CWC27: variants seen among roughly 807,000 people sequenced by gnomAD.
CWC27 encodes the protein spliceosome-associated protein CWC27 homolog.
In CWC27, 47 loss-of-function variants were observed where a neutral mutation model predicts 63.6. The ratio of observed to expected loss-of-function variants is 0.74; its 90% CI spans 0.58 to 0.94. The LOEUF is 0.94. Among genes scored for constraint, CWC27 ranks in the 40% least tolerant of loss-of-function variants. The probability of loss-of-function intolerance (pLI) is 0.00; values close to 1 mark genes in which losing one functional copy is unlikely to be tolerated. For missense variants in CWC27, 495 were observed against 554.3 expected, an observed-to-expected ratio of 0.89 and a Z score of 1.07; for synonymous variants, 175 against 179.8, an observed-to-expected ratio of 0.97 and a Z score of 0.22.
intron 10 of CWC27, among the ~76,000 whole-genome samples, chr5:64,876,542 C>T (rs1746797928): frequency 6.6e-6 from 1 of 152,088 alleles, no homozygotes. Context: ...GGCCTCTAAG[C>T]AAGTTCATTT....
At chr5:64,846,492 G>A (rs1269119831) in intron 10 of CWC27, among the ~76,000 whole-genome samples, 1 of 152,158 alleles carries the variant, frequency 6.6e-6, no homozygotes, top group Non-Finnish European at 1.5e-5. Context: ...TTGTTTATAA[G>A]CTGTTATCAG....
At chr5:64,926,342 A>T (rs1748107791) in intron 11 of CWC27, among the ~76,000 whole-genome samples, 1 of 151,156 alleles carries the variant, frequency 6.6e-6, no homozygotes, top group African/African-American at 2.4e-5. Context: ...TAGATATTTA[A>T]TACTGATCTA....
chr5:65,005,884 G>C (rs1419373365), intron 13 of CWC27, among the ~76,000 whole-genome samples: 1 of 151,990 alleles, frequency 6.6e-6, no homozygotes, highest in Middle Eastern at 3.2e-3. Flanking sequence ...ACATACTCTA[G>C]AAATCCTAGG....
At chr5:64,781,479 G>A (rs2112159836) in intron 2 of CWC27, among the ~76,000 whole-genome samples, 1 of 152,236 alleles carries the variant, frequency 6.6e-6, no homozygotes, top group South Asian at 2.1e-4. Flanking sequence ...TGACATTTTG[G>A]GCTGGTAATT....
intron 10 of CWC27, among the ~76,000 whole-genome samples, chr5:64,878,806 T>TG (rs1216908550): frequency 2.0e-5 from 3 of 151,802 alleles, no homozygotes. Context: ...TTGACTGAAA[T>TG]TTAGAGTAAC....
At chr5:64,907,190 C>A (rs918028811) in intron 11 of CWC27, among the ~76,000 whole-genome samples, 1 of 152,068 alleles carries the variant, frequency 6.6e-6, no homozygotes. Flanking sequence ...GTAGTTTTTT[C>A]CAATTCTTTG....
In CWC27 at chr5:64,788,919, CT is replaced by C. The variant is rs11340181; in HGVS notation, c.600-21del. 629,335 of 1,226,060 alleles carry C rather than the reference CT, an allele frequency of 0.51. 135,762 individuals carry two copies. Among genetic ancestry groups the C allele is most frequent in the East Asian group, 0.79 (29,090 of 36,714 alleles). The allele number at this position is 1,226,060 out of a possible 1,614,324, so 75.9% of individuals were successfully genotyped here. On this transcript the variant is annotated intron_variant, in intron 6 of 13. Transcript: ENST00000381070. Reference sequence around the variant, plus strand: ...ATAAGTTTGATTTGACTTTCTCTTTCTTTTTTTTTTTCTTTCTTTTTTTTGG... The same window carrying C: ...ATAAGTTTGATTTGACTTTCTCTTTCTTTTTTTTTTCTTTCTTTTTTTTGG...
intron 10 of CWC27, among the ~76,000 whole-genome samples, chr5:64,836,040 T>G (rs1169972718): frequency 6.6e-6 from 1 of 151,920 alleles, no homozygotes; most frequent in African/African-American, 2.4e-5. Flanking sequence ...AAGTAGTTTA[T>G]AAATTATATC....
chr5:64,888,582 C>T (rs949480546), intron 11 of CWC27, among the ~76,000 whole-genome samples: 7 of 148,054 alleles, frequency 4.7e-5, no homozygotes, highest in Non-Finnish European at 8.9e-5. Context: ...TATTGGCATA[C>T]TTATAAATAA....
intron 13 of CWC27, among the ~76,000 whole-genome samples, chr5:64,998,711 T>C (rs147978342): frequency 1.3e-5 from 2 of 152,172 alleles, no homozygotes; most frequent in East Asian, 3.9e-4. Flanking sequence ...AAGCCACTGG[T>C]TTTCATCTTC....
chr5:64,798,395 C>A (rs1460664182), intron 7 of CWC27, among the ~76,000 whole-genome samples: 1 of 152,080 alleles, frequency 6.6e-6, no homozygotes, highest in Non-Finnish European at 1.5e-5. Flanking sequence ...TCTACTATAC[C>A]ACCTTCTGTT....
chr5:64,834,711 A>T (rs935145044), intron 10 of CWC27, among the ~76,000 whole-genome samples: 2 of 151,762 alleles, frequency 1.3e-5, no homozygotes, highest in Non-Finnish European at 3.0e-5. Flanking sequence ...CCAAGGACAC[A>T]TGTGTATTCT....
intron 8 of CWC27, among the ~76,000 whole-genome samples, chr5:64,800,970 G>GT (rs1035712621): frequency 2.0e-5 from 3 of 151,940 alleles, no homozygotes; most frequent in Non-Finnish European, 4.4e-5. Flanking sequence ...GGATTTGGGG[G>GT]TTTTTTTAGT....
chr5:64,934,888 G>A (rs182492176), intron 11 of CWC27, among the ~76,000 whole-genome samples: 1 of 152,220 alleles, frequency 6.6e-6, no homozygotes, highest in African/African-American at 2.4e-5. Context: ...TTTGTTGTCT[G>A]CATAAATGTC....
chr5:64,929,712 A>T (rs781390295), intron 11 of CWC27, among the ~76,000 whole-genome samples: 9 of 152,138 alleles, frequency 5.9e-5, no homozygotes, highest in Non-Finnish European at 1.2e-4. Context: ...TAACGGAGGA[A>T]CCAACAAGTA....
intron 10 of CWC27, among the ~76,000 whole-genome samples, chr5:64,856,204 A>G (rs1282262908): frequency 6.6e-6 from 1 of 152,102 alleles, no homozygotes; most frequent in East Asian, 1.9e-4. Flanking sequence ...CCTAATATCA[A>G]TATCAATACT....
At chr5:64,867,837 ATCT>A (rs1043297833) in intron 10 of CWC27, among the ~76,000 whole-genome samples, 5 of 151,964 alleles carry the variant, frequency 3.3e-5, no homozygotes, top group African/African-American at 4.8e-5. Context: ...TAACACTAAC[ATCT>A]TCTTTCCCAG....
chr5:64,801,285 G>C lies in CWC27; in HGVS notation c.750-17G>C. 1.4e-6 allele frequency: 2 copies of C among 1,417,254 alleles called. No individual in the cohort carries two copies. The highest frequency in any genetic ancestry group is 9.5e-7 in the Non-Finnish European group (1 of 1,050,054). The allele number at this position is 1,417,254 out of a possible 1,614,324, so 87.8% of individuals were successfully genotyped here. On this transcript the variant is annotated splice_polypyrimidine_tract_variant and intron_variant, in intron 8 of 13. Coordinates refer to ENST00000381070, the MANE Select transcript of CWC27 (RefSeq NM_005869.4). The stretch of plus-strand genomic sequence containing the variant: ...TTACCTTGAAACTAAAATTTGTTTT[G>C]CTTATTTTTTTTATAGTGAAAAAGG...
chr5:64,814,077 C>A (rs10065521), intron 10 of CWC27, among the ~76,000 whole-genome samples: 1 of 142,968 alleles, frequency 7.0e-6, no homozygotes, highest in Non-Finnish European at 1.5e-5. Context: ...ATTTTTTTTG[C>A]GATTTTTTTT....
Sources: allele counts gnomAD v4.1 joint callset (sites outside exome capture counted in the v4.1 genomes callset), GRCh38; gene constraint gnomAD v4.1.1; transcripts MANE v1.5; gene names NCBI Gene and HGNC (gene_info 2026-07-23, HGNC 2026-07-21).